UHMK1: variants seen among roughly 807,000 people sequenced by gnomAD.
The protein encoded by UHMK1 is serine/threonine-protein kinase Kist.
UHMK1 carries 18 observed loss-of-function variants against 44.0 expected under a neutral mutation model. The ratio of observed to expected loss-of-function variants is 0.41; its 90% CI spans 0.28 to 0.61. The LOEUF is 0.61. Among genes scored for constraint, UHMK1 ranks in the 20% least tolerant of loss-of-function variants. The pLI is 0.31. For synonymous variants in UHMK1, 231 were observed against 198.5 expected (o/e 1.16, Z -1.38); for missense variants, 463 against 522.5 (o/e 0.89, Z 1.11).
At position 162,508,866 on chromosome 1, in the gene UHMK1, G is replaced by T. The variant is rs114962681; in HGVS notation, c.849-3634G>T. ...CTGTGACCCAGGCTAGAGTGCCATG[G>T]TGTGATCACAGCTCACTGCAGCTTT... On this transcript the variant is annotated intron_variant, in intron 4 of 7. Coordinates refer to ENST00000489294, the MANE Select transcript of UHMK1 (RefSeq NM_175866.5). 5.2e-3 allele frequency among the ~76,000 whole-genome samples: 790 copies of T among 151,954 alleles called. 8 individuals carry two copies. The highest frequency in any genetic ancestry group is 0.018 in the African/African-American group (742 of 41,470).
chr1:162,497,995 A>G lies in UHMK1; in HGVS notation c.-6A>G, dbSNP rs930450407. The G allele has an allele frequency of 1.3e-6, 2 of 1,571,004 alleles. No individual in the cohort carries two copies. Among genetic ancestry groups the G allele is most frequent in the Non-Finnish European group, 1.7e-6 (2 of 1,157,396 alleles). ...GCTCCCGTGTCCGTGCCCTTAACCC[A>G]CACCGATGGCGGGATCCGGCTGCGC... On this transcript the variant is annotated 5_prime_UTR_variant, in exon 1 of 8. Coordinates refer to ENST00000489294, the MANE Select transcript of UHMK1 (RefSeq NM_175866.5).
At chr1:162,507,189 G>A (rs974283839) in intron 4 of UHMK1, among the ~76,000 whole-genome samples, 5 of 150,748 alleles carry the variant, frequency 3.3e-5, no homozygotes, top group East Asian at 1.9e-4. Context: ...GCATGATCTC[G>A]GCTCACTGCA....
At chr1:162,508,874 AC>A (rs1651570016) in intron 4 of UHMK1, among the ~76,000 whole-genome samples, 1 of 151,906 alleles carries the variant, frequency 6.6e-6, no homozygotes, top group East Asian at 1.9e-4. Flanking sequence ...TGGTGTGATC[AC>A]AGCTCACTGC....
chr1:162,517,347 TA>T (rs998450588), intron 6 of UHMK1, among the ~76,000 whole-genome samples: 1 of 151,892 alleles, frequency 6.6e-6, no homozygotes, highest in Non-Finnish European at 1.5e-5. Context: ...GAGATATGCA[TA>T]GGGGGGTTAT....
intron 6 of UHMK1, among the ~76,000 whole-genome samples, chr1:162,516,768 T>A (rs1651850678): frequency 6.6e-6 from 1 of 152,242 alleles, no homozygotes; most frequent in Non-Finnish European, 1.5e-5. Context: ...TTTTACTCTC[T>A]ATTATTATTG....
chr1:162,526,063 A>G lies in UHMK1; in HGVS notation c.*3513A>G, dbSNP rs1320709934. 6.6e-6 allele frequency: 1 copy of G among 152,148 alleles called. No homozygotes were observed. The highest frequency in any genetic ancestry group is 1.5e-5 in the Non-Finnish European group (1 of 68,028). 9.4% of individuals were successfully genotyped at this position (152,148 alleles called of 1,614,324 possible). A position where few individuals can be genotyped will look rare whatever the true frequency, so the allele number is the denominator to read the frequency against. Reference sequence around the variant, plus strand: ...AGAAGGCTTTTTTCTGTCTTATTACACTGGACCTTCACTCTGGTAAGGGCA... The same window carrying G: ...AGAAGGCTTTTTTCTGTCTTATTACGCTGGACCTTCACTCTGGTAAGGGCA... On this transcript the variant is annotated 3_prime_UTR_variant, in exon 8 of 8. Coordinates refer to ENST00000489294, the MANE Select transcript of UHMK1 (RefSeq NM_175866.5).
At position 162,528,542 on chromosome 1, in the gene UHMK1, A is replaced by G. The variant is rs907574247; in HGVS notation, c.*5992A>G. On this transcript the variant is annotated 3_prime_UTR_variant, in exon 8 of 8. Transcript: ENST00000489294. ...TGTACATCACCACTTATGCAAATCA[A>G]GGATCAGAAAACTGGAGGTTAGCCA... 5 of 152,128 alleles carry G rather than the reference A, an allele frequency of 3.3e-5. No individual in the cohort carries two copies. The highest frequency in any genetic ancestry group is 7.2e-5 in the African/African-American group (3 of 41,454). The allele number at this position is 152,128 out of a possible 1,614,324, so 9.4% of individuals were successfully genotyped here.
intron 7 of UHMK1, among the ~76,000 whole-genome samples, chr1:162,520,525 G>T (rs1285267042): frequency 1.3e-5 from 2 of 152,164 alleles, no homozygotes; most frequent in African/African-American, 2.4e-5. Flanking sequence ...GGGGTAGGTA[G>T]GGTGGGTTGC....
At chr1:162,502,869 A>G (rs1365890339) in intron 3 of UHMK1, among the ~76,000 whole-genome samples, 2 of 152,244 alleles carry the variant, frequency 1.3e-5, no homozygotes, top group Non-Finnish European at 2.9e-5. Flanking sequence ...TCATAAGACT[A>G]CTGAGGTTAA....
Position 162,512,508 on chromosome 1 carries a change from A to G in UHMK1, c.857A>G (p.His286Arg), listed in dbSNP as rs752092030. The G allele has an allele frequency of 1.4e-5, 23 of 1,610,034 alleles. No homozygotes were observed. The highest frequency in any genetic ancestry group is 1.9e-5 in the Non-Finnish European group (22 of 1,179,168). Residue 286 changes from histidine to arginine, a missense_variant, in exon 5 of 8, where the codon CAT becomes CGT. By Grantham distance (29) the His-to-Arg change is conservative. Coordinates refer to ENST00000489294, the MANE Select transcript of UHMK1 (RefSeq NM_175866.5). ...HLRDLIKSMLHDDPSRRIPAE... is the reference protein window; with the variant it reads ...HLRDLIKSMLRDDPSRRIPAE... ...CTATTTTTGTGTTTTAGCATGCTTCATGATGATCCAAGCAGAAGAATTCCT... is the reference window on the plus strand; with the variant it reads ...CTATTTTTGTGTTTTAGCATGCTTCGTGATGATCCAAGCAGAAGAATTCCT...
intron 3 of UHMK1, among the ~76,000 whole-genome samples, chr1:162,501,787 T>A (rs1651277230): frequency 6.6e-6 from 1 of 152,138 alleles, no homozygotes; most frequent in Non-Finnish European, 1.5e-5. Flanking sequence ...TTAACTGCTT[T>A]ACAGTTAAAA....
At chr1:162,498,298 G>C in intron 1 of UHMK1, 30 bp downstream of exon 1, 1 of 1,559,140 alleles carries the variant, frequency 6.4e-7, no homozygotes. Context: ...TTCTCTTCTT[G>C]CCCAGGTCAC....
chr1:162,501,175 T>TC, intron 3 of UHMK1, 71 bp downstream of exon 3: 1 of 1,460,546 alleles, frequency 6.8e-7, no homozygotes, highest in Admixed American at 2.3e-5. Context: ...ATGATGATTT[T>TC]TTTTTTTCTT....
intron 1 of UHMK1, 132 bp downstream of exon 1, chr1:162,498,400 C>T (rs1651144838): frequency 1.8e-6 from 2 of 1,116,674 alleles, no homozygotes; most frequent in Admixed American, 6.0e-5. Context: ...ATCACCCCAT[C>T]CAGGCCCCTT....
intron 5 of UHMK1, 36 bp downstream of exon 5, chr1:162,512,612 T>C (rs978829530): frequency 6.9e-6 from 11 of 1,605,326 alleles, no homozygotes; most frequent in Non-Finnish European, 8.5e-6. Flanking sequence ...TTCTTGGTCA[T>C]TTGACAGTCA....
At chr1:162,510,315 TTC>T (rs1221858297) in intron 4 of UHMK1, among the ~76,000 whole-genome samples, 2 of 152,192 alleles carry the variant, frequency 1.3e-5, no homozygotes, top group Non-Finnish European at 2.9e-5. Flanking sequence ...AACTTATTCT[TTC>T]TATCTAACTG....
rs2101691524 is a variant in UHMK1 at position 162,527,698 on chromosome 1, G to A, written c.*5148G>A. 6.6e-6 allele frequency: 1 copy of A among 152,108 alleles called. No homozygotes were observed. The highest frequency in any genetic ancestry group is 1.5e-5 in the Non-Finnish European group (1 of 67,920). 9.4% of individuals were successfully genotyped at this position (152,108 alleles called of 1,614,324 possible). A position where few individuals can be genotyped will look rare whatever the true frequency, so the allele number is the denominator to read the frequency against. ...TTGAGTGTTATTTCCCATTAAATTG[G>A]GTAGCTGTCACAATAACCAGAAGAA... On this transcript the variant is annotated 3_prime_UTR_variant, in exon 8 of 8. Coordinates refer to ENST00000489294, the MANE Select transcript of UHMK1 (RefSeq NM_175866.5).
In UHMK1 at chr1:162,497,978, G is replaced by C; in HGVS notation, c.-23G>C. On this transcript the variant is annotated 5_prime_UTR_variant, in exon 1 of 8. Coordinates refer to ENST00000489294, the MANE Select transcript of UHMK1 (RefSeq NM_175866.5). Reference sequence around the variant, plus strand: ...CCTCAGGCGTCGCGTCAGCTCCCGTGTCCGTGCCCTTAACCCACACCGATG... The same window carrying C: ...CCTCAGGCGTCGCGTCAGCTCCCGTCTCCGTGCCCTTAACCCACACCGATG... 6.7e-7 allele frequency: 1 copy of C among 1,502,244 alleles called. No homozygotes were observed. The highest frequency in any genetic ancestry group is 8.9e-7 in the Non-Finnish European group (1 of 1,126,052). The allele number at this position is 1,502,244 out of a possible 1,614,324, so 93.1% of individuals were successfully genotyped here. A position where few individuals can be genotyped will look rare whatever the true frequency, so the allele number is the denominator to read the frequency against.
chr1:162,516,077 TA>T (rs1651826738), intron 6 of UHMK1, among the ~76,000 whole-genome samples: 1 of 152,100 alleles, frequency 6.6e-6, no homozygotes, highest in Non-Finnish European at 1.5e-5. Context: ...TGTTTTTGAA[TA>T]AACCTTTAGA....
Sources: allele counts gnomAD v4.1 joint callset (sites outside exome capture counted in the v4.1 genomes callset), GRCh38; gene constraint gnomAD v4.1.1; transcripts MANE v1.5; gene names NCBI Gene and HGNC (gene_info 2026-07-23, HGNC 2026-07-21).